Variants in RANBP2 observed in about 807,000 individuals in gnomAD.
RANBP2 encodes the protein RAN binding protein 2, also known as E3 SUMO-protein ligase RanBP2.
In RANBP2, 57 loss-of-function variants were observed where a neutral mutation model predicts 303.6. That is an observed-to-expected ratio of 0.19 (90% CI 0.15 to 0.23). RANBP2 has a LOEUF of 0.23. RANBP2 is among the 10% of genes least tolerant of loss of function. The pLI, the probability that RANBP2 is intolerant of heterozygous loss-of-function variation, is 1.00. For synonymous variants in RANBP2, 1,167 were observed against 1,301.5 expected (o/e 0.90, Z 2.23); for missense variants, 3,138 against 3,780.8 (o/e 0.83, Z 4.46).
chr2:109,553,261 T>G, the RANBP2 span: 1 of 1,607,246 alleles, frequency 6.2e-7, no homozygotes. Context: ...AAAAGTGATA[T>G]AGGTCGGGTA....
the RANBP2 span, among the ~76,000 whole-genome samples, chr2:109,506,777 T>C: frequency 3.3e-5 from 5 of 152,206 alleles, no homozygotes; most frequent in Non-Finnish European, 5.9e-5. Flanking sequence ...GCAGAAATAC[T>C]AAAATGATGG....
chr2:108,866,745 C>T, the RANBP2 span, among the ~76,000 whole-genome samples: 9 of 151,852 alleles, frequency 5.9e-5, no homozygotes, highest in East Asian at 1.9e-4. Context: ...TAGCTGGACG[C>T]GGTGACGGGT....
At chr2:109,077,892 A>G in the RANBP2 span, among the ~76,000 whole-genome samples, 1 of 148,984 alleles carries the variant, frequency 6.7e-6, no homozygotes, top group Non-Finnish European at 1.5e-5. Flanking sequence ...TATGGAAAAC[A>G]GTATAGAGAT....
chr2:108,876,117 C>T, the RANBP2 span: 13 of 1,601,132 alleles, frequency 8.1e-6, 1 homozygote, highest in Middle Eastern at 1.7e-4. Context: ...GAACTTTTTA[C>T]GATTCATCTG....
At chr2:108,749,818 T>G (rs973588742) in intron 9 of RANBP2, among the ~76,000 whole-genome samples, 4 of 152,102 alleles carry the variant, frequency 2.6e-5, no homozygotes, top group African/African-American at 4.8e-5. Context: ...AGTCTTGAAC[T>G]CCTAGGCTCA....
chr2:109,524,524 A>G, the RANBP2 span, among the ~76,000 whole-genome samples: 1 of 149,856 alleles, frequency 6.7e-6, no homozygotes, highest in Non-Finnish European at 1.5e-5. Flanking sequence ...TGGGAGGCCG[A>G]GGTAGGCAGA....
chr2:108,811,132 CT>C, the RANBP2 span, among the ~76,000 whole-genome samples: 1 of 149,566 alleles, frequency 6.7e-6, no homozygotes, highest in Non-Finnish European at 1.5e-5. Flanking sequence ...TCCTTCTTCC[CT>C]TCTTCCCCTC....
At chr2:109,563,881 G>A in the RANBP2 span, among the ~76,000 whole-genome samples, 3 of 152,150 alleles carry the variant, frequency 2.0e-5, no homozygotes, top group East Asian at 1.9e-4. Flanking sequence ...AAAGCTTTGC[G>A]AGGCTGAGGT....
chr2:109,383,688 C>G, the RANBP2 span, among the ~76,000 whole-genome samples: 1 of 152,132 alleles, frequency 6.6e-6, no homozygotes, highest in Non-Finnish European at 1.5e-5. Flanking sequence ...AGCTTCATTT[C>G]GTTGCTGCTC....
the RANBP2 span, among the ~76,000 whole-genome samples, chr2:109,138,808 A>G: frequency 6.6e-5 from 10 of 152,334 alleles, no homozygotes; most frequent in East Asian, 1.7e-3. Context: ...GTTAATAATT[A>G]ATTCAGTCCA....
chr2:109,664,983 T>C, the RANBP2 span, among the ~76,000 whole-genome samples: 1 of 150,942 alleles, frequency 6.6e-6, no homozygotes, highest in African/African-American at 2.4e-5. Context: ...ACAAAAAAAC[T>C]CAATGCATAC....
chr2:109,541,196 A>G, the RANBP2 span, among the ~76,000 whole-genome samples: 1 of 152,182 alleles, frequency 6.6e-6, no homozygotes, highest in East Asian at 1.9e-4. Context: ...GGGACTCTTA[A>G]CCACTTCCCA....
the RANBP2 span, among the ~76,000 whole-genome samples, chr2:109,141,781 T>C: frequency 1.3e-5 from 2 of 152,140 alleles, no homozygotes; most frequent in South Asian, 4.1e-4. Context: ...GAGGGGGTAC[T>C]GGTTGGAGAA....
At chr2:109,031,121 C>A in the RANBP2 span, among the ~76,000 whole-genome samples, 16 of 152,250 alleles carry the variant, frequency 1.1e-4, no homozygotes, top group East Asian at 2.7e-3. Flanking sequence ...GGTAAGAACT[C>A]CGGGTCCCTA....
the RANBP2 span, among the ~76,000 whole-genome samples, chr2:109,731,398 T>A: frequency 6.6e-6 from 1 of 150,730 alleles, no homozygotes; most frequent in African/African-American, 2.4e-5. Flanking sequence ...GTTTTTTAAT[T>A]TTTTTTTTTC....
chr2:109,697,653 A>G, the RANBP2 span, among the ~76,000 whole-genome samples: 2 of 152,152 alleles, frequency 1.3e-5, no homozygotes, highest in Non-Finnish European at 2.9e-5. Flanking sequence ...AATGGTTTAT[A>G]TAGACAATCA....
chr2:109,417,752 T>C, the RANBP2 span, among the ~76,000 whole-genome samples: 242 of 152,322 alleles, frequency 1.6e-3, no homozygotes, highest in Non-Finnish European at 2.3e-3. Context: ...AAATCGTTTC[T>C]GACTTTGTAG....
At chr2:108,743,130 CTGTG>C (rs1194414628) in intron 7 of RANBP2, among the ~76,000 whole-genome samples, 7 of 152,172 alleles carry the variant, frequency 4.6e-5, no homozygotes, top group African/African-American at 1.7e-4. Flanking sequence ...ATTTATCTGT[CTGTG>C]TGTCTATTAG....
At chr2:108,824,815 T>C in the RANBP2 span, among the ~76,000 whole-genome samples, 1 of 151,590 alleles carries the variant, frequency 6.6e-6, no homozygotes, top group Non-Finnish European at 1.5e-5. Context: ...TTTACTGCCC[T>C]ATGACATTAT....
Sources: allele counts gnomAD v4.1 joint callset (sites outside exome capture counted in the v4.1 genomes callset), GRCh38; gene constraint gnomAD v4.1.1; transcripts MANE v1.5; gene names NCBI Gene and HGNC (gene_info 2026-07-23, HGNC 2026-07-21).